NLN: variants seen among roughly 807,000 people sequenced by gnomAD.
NLN encodes the protein neurolysin, also known as neurolysin, mitochondrial.
NLN carries 64 observed loss-of-function variants against 79.9 expected under a neutral mutation model. That is an observed-to-expected ratio of 0.80 (90% CI 0.65 to 0.99). The LOEUF (loss-of-function observed/expected upper bound fraction) is 0.99. Ranked by LOEUF, NLN falls within the 50% of genes least tolerant of loss-of-function variation. NLN has a pLI of 0.00. For missense variants in NLN, 835 were observed against 858.7 expected (o/e 0.97, Z 0.34); for synonymous variants, 267 against 296.6 (o/e 0.90, Z 1.02).
intron 9 of NLN, among the ~76,000 whole-genome samples, chr5:65,798,068 G>A (rs1176754413): frequency 2.0e-5 from 3 of 152,250 alleles, no homozygotes; most frequent in South Asian, 2.1e-4. Flanking sequence ...AAAGACAAGC[G>A]AAAGACAAGG....
intron 9 of NLN, among the ~76,000 whole-genome samples, chr5:65,795,531 A>C (rs1387041147): frequency 6.6e-6 from 1 of 152,124 alleles, no homozygotes; most frequent in Non-Finnish European, 1.5e-5. Context: ...AACTAAAAAT[A>C]CAAAAATTAG....
intron 2 of NLN, among the ~76,000 whole-genome samples, chr5:65,759,248 G>A (rs1171844634): frequency 6.6e-6 from 1 of 152,076 alleles, no homozygotes; most frequent in African/African-American, 2.4e-5. Flanking sequence ...TCCATCCTCT[G>A]TAATGCTGTA....
intron 1 of NLN, among the ~76,000 whole-genome samples, chr5:65,724,244 CACAATAACTGCCCATT>C (rs1758403143): frequency 6.6e-6 from 1 of 152,134 alleles, no homozygotes; most frequent in Non-Finnish European, 1.5e-5. Context: ...GTACCTATTA[CACAATAACTGCCCATT>C]ACTTCCTCCC....
intron 1 of NLN, among the ~76,000 whole-genome samples, chr5:65,752,883 A>G (rs568986167): frequency 1.3e-5 from 2 of 152,352 alleles, no homozygotes; most frequent in East Asian, 1.9e-4. Flanking sequence ...TGAGAAAAAA[A>G]GTATTAAGAT....
At chr5:65,787,614 T>C (rs980394373) in intron 7 of NLN, among the ~76,000 whole-genome samples, 2 of 152,174 alleles carry the variant, frequency 1.3e-5, no homozygotes, top group Non-Finnish European at 2.9e-5. Context: ...AATTGCTGTG[T>C]CCAGATAAAC....
intron 9 of NLN, among the ~76,000 whole-genome samples, chr5:65,797,980 G>A (rs1196638444): frequency 6.6e-6 from 1 of 152,166 alleles, no homozygotes; most frequent in Non-Finnish European, 1.5e-5. Flanking sequence ...AGAGCAGCTT[G>A]GAGTATTGGG....
intron 9 of NLN, among the ~76,000 whole-genome samples, chr5:65,808,527 A>T (rs1025939929): frequency 2.0e-5 from 3 of 152,216 alleles, no homozygotes; most frequent in African/African-American, 7.2e-5. Context: ...TGGCAGTTTT[A>T]CAAGTGTTTG....
rs1437027998 is a variant in NLN at position 65,825,289 on chromosome 5, A to G, written c.*2374A>G. 3 of 152,090 alleles carry G rather than the reference A, an allele frequency of 2.0e-5. No individual in the cohort carries two copies. Among genetic ancestry groups the G allele is most frequent in the East Asian group, 3.9e-4 (2 of 5,186 alleles). 9.4% of individuals were successfully genotyped at this position (152,090 alleles called of 1,614,324 possible). On this transcript the variant is annotated 3_prime_UTR_variant, in exon 13 of 13. Coordinates refer to ENST00000380985, the MANE Select transcript of NLN (RefSeq NM_020726.5). ...GACATGCTTGAAATGGTGGATAACT[A>G]TGTAAATTGTAATTGGACAAATGTA...
chr5:65,769,479 T>C (rs1759522424), intron 3 of NLN, among the ~76,000 whole-genome samples: 2 of 152,222 alleles, frequency 1.3e-5, no homozygotes. Context: ...TATTACATAT[T>C]GCTTGCCTGT....
chr5:65,786,950 TAATTA>T (rs1321527339), intron 7 of NLN, among the ~76,000 whole-genome samples: 1 of 152,196 alleles, frequency 6.6e-6, no homozygotes, highest in African/African-American at 2.4e-5. Flanking sequence ...TGTGAACAGG[TAATTA>T]CTCTACAGTC....
chr5:65,749,537 G>A (rs1267487735), intron 1 of NLN, among the ~76,000 whole-genome samples: 3 of 152,186 alleles, frequency 2.0e-5, no homozygotes, highest in Non-Finnish European at 4.4e-5. Context: ...AGGATGTAGG[G>A]TAGGGGGTTG....
At position 65,824,595 on chromosome 5, in the gene NLN, A is replaced by G. The variant is rs933137143; in HGVS notation, c.*1680A>G. 6.6e-6 allele frequency: 1 copy of G among 152,244 alleles called. No homozygotes were observed. Among genetic ancestry groups the G allele is most frequent in the Non-Finnish European group, 1.5e-5 (1 of 68,050 alleles). The allele number at this position is 152,244 out of a possible 1,614,324, so 9.4% of individuals were successfully genotyped here. The stretch of plus-strand genomic sequence containing the variant: ...GCTTTTTCCAGTGTGTCTCCTTAAC[A>G]GTAACTTTACCACTTGAAATCTTAT... On this transcript the variant is annotated 3_prime_UTR_variant, in exon 13 of 13. Transcript: ENST00000380985.
intron 12 of NLN, among the ~76,000 whole-genome samples, chr5:65,816,299 T>C (rs1257736283): frequency 6.6e-6 from 1 of 152,140 alleles, no homozygotes; most frequent in East Asian, 1.9e-4. Context: ...AAATACCACA[T>C]GTTCTCACTT....
intron 9 of NLN, 77 bp from the exon 10 acceptor site, chr5:65,809,438 G>A (rs1040067193): frequency 5.5e-5 from 69 of 1,261,888 alleles, no homozygotes; most frequent in Middle Eastern, 2.1e-4. Flanking sequence ...TTAAGTTTTC[G>A]TGACTCTTAA....
chr5:65,777,324 A>G (rs1208362837), intron 3 of NLN, 103 bp from the exon 4 acceptor site: 1 of 796,322 alleles, frequency 1.3e-6, no homozygotes. Context: ...TATGTGCTTC[A>G]TAACCCAACG....
intron 9 of NLN, among the ~76,000 whole-genome samples, chr5:65,801,683 A>G (rs1219735607): frequency 1.3e-5 from 2 of 152,186 alleles, no homozygotes; most frequent in South Asian, 2.1e-4. Context: ...TCTTTCATTC[A>G]TTTGCTGTGC....
At chr5:65,776,081 C>T (rs372059414) in intron 3 of NLN, among the ~76,000 whole-genome samples, 2 of 152,040 alleles carry the variant, frequency 1.3e-5, no homozygotes, top group South Asian at 2.1e-4. Flanking sequence ...GGCAAAACCC[C>T]GTCTCTACTA....
chr5:65,750,447 G>A (rs1448790896), intron 1 of NLN, among the ~76,000 whole-genome samples: 1 of 152,242 alleles, frequency 6.6e-6, no homozygotes, highest in Admixed American at 6.5e-5. Context: ...GGCCTGGCAC[G>A]ATGGCCCATG....
chr5:65,741,833 A>C (rs1286021548), intron 1 of NLN, among the ~76,000 whole-genome samples: 2 of 152,232 alleles, frequency 1.3e-5, no homozygotes, highest in Non-Finnish European at 2.9e-5. Flanking sequence ...GATAGGATTT[A>C]AGAAAAGAAA....
Sources: gnomAD v4.1 joint callset for allele counts (sites outside exome capture counted in the v4.1 genomes callset) on GRCh38, gnomAD v4.1.1 for gene constraint, MANE v1.5 for transcripts, NCBI Gene and HGNC (gene_info 2026-07-23, HGNC 2026-07-21) for gene names.